TRAF3: variants seen among roughly 807,000 people sequenced by gnomAD.
The protein encoded by TRAF3 is TNF receptor-associated factor 3.
Under a neutral mutation model 62.3 loss-of-function variants are expected in TRAF3, and 13 were observed. The ratio of observed to expected loss-of-function variants is 0.21; its 90% CI spans 0.14 to 0.33. The LOEUF (loss-of-function observed/expected upper bound fraction) is 0.33, where lower values mean the gene tolerates loss of function less well. TRAF3 is among the 10% of genes least tolerant of loss of function. The pLI is 1.00. For synonymous variants in TRAF3, 269 were observed against 283.4 expected (o/e 0.95, Z 0.51); for missense variants, 440 against 741.8 (o/e 0.59, Z 4.73).
chr14:102,909,184 C>T lies in TRAF3; in HGVS notation c.*3400C>T, dbSNP rs565084597. The T allele has an allele frequency of 3.9e-5, 6 of 152,264 alleles. No homozygotes were observed. 9.4% of individuals were successfully genotyped at this position (152,264 alleles called of 1,614,324 possible). ...CCCCGACATACGCTGGGCCTTTCAGCTCGCCGTGCTCTGGTGACACACAGG... is the reference window on the plus strand; with the variant it reads ...CCCCGACATACGCTGGGCCTTTCAGTTCGCCGTGCTCTGGTGACACACAGG... On this transcript the variant is annotated 3_prime_UTR_variant, in exon 12 of 12. Coordinates refer to ENST00000392745, the MANE Select transcript of TRAF3 (RefSeq NM_145725.3).
chr14:102,897,718 T>C (rs2139976148), intron 10 of TRAF3, among the ~76,000 whole-genome samples: 1 of 152,374 alleles, frequency 6.6e-6, no homozygotes, highest in Admixed American at 6.5e-5. Flanking sequence ...GTTTTTATTA[T>C]TTAAGATTTC....
chr14:102,863,044 T>C (rs1256156562), intron 2 of TRAF3, among the ~76,000 whole-genome samples: 3 of 152,214 alleles, frequency 2.0e-5, no homozygotes, highest in Non-Finnish European at 4.4e-5. Context: ...TGGTTTTCTT[T>C]AGTTCTTTGA....
intron 4 of TRAF3, 145 bp from the exon 5 acceptor site, chr14:102,875,479 C>A: frequency 1.6e-6 from 1 of 639,882 alleles, no homozygotes; most frequent in Non-Finnish European, 2.7e-6. Context: ...TTCTAGAAAT[C>A]AAGATGGTCC....
At chr14:102,879,450 G>T (rs1888915155) in intron 6 of TRAF3, among the ~76,000 whole-genome samples, 1 of 151,934 alleles carries the variant, frequency 6.6e-6, no homozygotes, top group African/African-American at 2.4e-5. Context: ...TAGAGACAGG[G>T]TCTTGCCATG....
chr14:102,796,356 G>GT (rs1307169187), intron 1 of TRAF3, among the ~76,000 whole-genome samples: 1 of 152,248 alleles, frequency 6.6e-6, no homozygotes, highest in Non-Finnish European at 1.5e-5. Context: ...CCCTTCATCT[G>GT]TGTCTTCTGC....
chr14:102,788,702 G>T lies in TRAF3; in HGVS notation c.-157+11027G>T, dbSNP rs1247034894. Among the ~76,000 whole-genome samples, 2 of 152,220 alleles carry T rather than the reference G, an allele frequency of 1.3e-5. 1 individual carries two copies. Among genetic ancestry groups the T allele is most frequent in the Non-Finnish European group, 2.9e-5 (2 of 68,030 alleles). The stretch of plus-strand genomic sequence containing the variant: ...AGTCCCAGCTACTCAGGAGGCTGAG[G>T]CAGGAGAATCACTTGAGCCCAGGAG... On this transcript the variant is annotated intron_variant, in intron 1 of 11. Transcript: ENST00000392745.
intron 1 of TRAF3, among the ~76,000 whole-genome samples, chr14:102,778,246 G>T (rs1390409582): frequency 6.6e-6 from 1 of 151,626 alleles, no homozygotes; most frequent in Admixed American, 6.6e-5. Context: ...GCCGAGGGCC[G>T]GCGACTCCCG....
chr14:102,904,825 AAAAG>A (rs1890500946), intron 11 of TRAF3, among the ~76,000 whole-genome samples: 1 of 150,064 alleles, frequency 6.7e-6, no homozygotes, highest in South Asian at 2.1e-4. Flanking sequence ...AAAAAAAAAA[AAAAG>A]AGCCAGGCAC....
chr14:102,783,848 G>A (rs898458131), intron 1 of TRAF3, among the ~76,000 whole-genome samples: 5 of 152,052 alleles, frequency 3.3e-5, no homozygotes, highest in Admixed American at 6.6e-5. Context: ...GCTTGGCCCC[G>A]CTGAATTGAT....
chr14:102,877,113 T>C (rs1888720424), intron 6 of TRAF3, among the ~76,000 whole-genome samples: 1 of 150,462 alleles, frequency 6.6e-6, no homozygotes, highest in Non-Finnish European at 1.5e-5. Flanking sequence ...AGATAATCTG[T>C]TCCACAGGCC....
chr14:102,833,253 C>T (rs925053002), intron 2 of TRAF3, among the ~76,000 whole-genome samples: 7 of 152,144 alleles, frequency 4.6e-5, no homozygotes, highest in African/African-American at 1.2e-4. Context: ...TGGACACAGA[C>T]GCTTTCCTTG....
At chr14:102,833,995 A>G (rs1268245072) in intron 2 of TRAF3, among the ~76,000 whole-genome samples, 1 of 1,022 alleles carries the variant, frequency 9.8e-4, no homozygotes, top group Non-Finnish European at 2.2e-3. Flanking sequence ...TCTCGGGGGG[A>G]AAAAAAAGAA....
intron 1 of TRAF3, among the ~76,000 whole-genome samples, chr14:102,825,000 C>T (rs1232043069): frequency 3.9e-5 from 6 of 152,210 alleles, no homozygotes; most frequent in Admixed American, 3.9e-4. Context: ...TGAAAATCAA[C>T]ATCATGTGGT....
intron 1 of TRAF3, among the ~76,000 whole-genome samples, chr14:102,814,034 A>G (rs1338669172): frequency 1.3e-5 from 2 of 152,044 alleles, no homozygotes; most frequent in South Asian, 2.1e-4. Flanking sequence ...TAGTTTTATC[A>G]TTTGGGTCTT....
intron 1 of TRAF3, among the ~76,000 whole-genome samples, chr14:102,828,196 A>G (rs1900441716): frequency 6.6e-6 from 1 of 152,206 alleles, no homozygotes; most frequent in African/African-American, 2.4e-5. Flanking sequence ...AATCTTCGTG[A>G]TTGGAAAGAC....
chr14:102,822,868 T>C (rs1900065662), intron 1 of TRAF3, among the ~76,000 whole-genome samples: 1 of 152,108 alleles, frequency 6.6e-6, no homozygotes, highest in South Asian at 2.1e-4. Flanking sequence ...TAGCCGGGCA[T>C]GGTGGCACAT....
chr14:102,870,163 C>G (rs1888248813), intron 2 of TRAF3, 22 bp from the exon 3 acceptor site: 2 of 1,613,986 alleles, frequency 1.2e-6, no homozygotes, highest in Non-Finnish European at 1.7e-6. Context: ...TATGATGGCA[C>G]TCTACTGTTT....
At position 102,903,385 on chromosome 14, in the gene TRAF3, T is replaced by C. The variant is rs1890403927; in HGVS notation, c.1091T>C (p.Leu364Pro). 6.2e-7 allele frequency: 1 copy of C among 1,613,874 alleles called. No individual in the cohort carries two copies. Among genetic ancestry groups the C allele is most frequent in the Non-Finnish European group, 8.5e-7 (1 of 1,179,984 alleles). ...VESLQNRVTE[L>P]ESVDKSAGQV... is the part of the protein sequence containing the mutation. ...TCCCTCCAGAACCGCGTGACCGAGC[T>C]GGAGAGCGTGGACAAGAGCGCGGGG... Residue 364 changes from leucine to proline, a missense_variant, in exon 11 of 12, where the codon CTG (leucine) becomes CCG (proline). Transcript: ENST00000392745. This position sits in a 1 kb window ranked among gnomAD's most constrained non-coding sequence, Gnocchi z 6.4.
chr14:102,799,907 G>A (rs1230798055), intron 1 of TRAF3, among the ~76,000 whole-genome samples: 1 of 152,146 alleles, frequency 6.6e-6, no homozygotes, highest in Non-Finnish European at 1.5e-5. Flanking sequence ...GAAAAATGCT[G>A]TGATCCCCAG....
Sources: allele counts gnomAD v4.1 joint callset (sites outside exome capture counted in the v4.1 genomes callset), GRCh38; gene constraint gnomAD v4.1.1; non-coding constraint Gnocchi (gnomAD v3.1); transcripts MANE v1.5; gene names NCBI Gene and HGNC (gene_info 2026-07-23, HGNC 2026-07-21).